The following TTLL5 variants were observed in gnomAD, a reference collection of about 807,000 sequenced individuals.
TTLL5 encodes the protein tubulin tyrosine ligase like 5.
In TTLL5, 132 loss-of-function variants were observed where a neutral mutation model predicts 168.4. That is an observed-to-expected ratio of 0.78 (90% CI 0.68 to 0.91). The LOEUF is 0.91. TTLL5 is among the 40% of genes least tolerant of loss of function. The probability of loss-of-function intolerance (pLI) is 0.00; values close to 1 mark genes in which losing one functional copy is unlikely to be tolerated. For missense variants in TTLL5, 1,545 were observed against 1,581.5 expected (o/e 0.98, Z 0.39); for synonymous variants, 546 against 558.6 (o/e 0.98, Z 0.32).
rs888062783 is a variant in TTLL5 at position 75,732,174 on chromosome 14, T to A, written c.1043-164T>A. The A allele has an allele frequency of 7.0e-6, 4 of 573,152 alleles. No individual in the cohort carries two copies. The African/African-American group carries it at 7.8e-5, about 11-fold the overall frequency. The allele number at this position is 573,152 out of a possible 1,614,324, so 35.5% of individuals were successfully genotyped here. A position where few individuals can be genotyped will look rare whatever the true frequency, so the allele number is the denominator to read the frequency against. On this transcript the variant is annotated intron_variant, in intron 12 of 31. Transcript: ENST00000298832. Reference sequence around the variant, plus strand: ...TTCCTAGAACTTGATTAATTTCTCTTGAACTTGAAAGATTCTTGAAAGATT... The same window carrying A: ...TTCCTAGAACTTGATTAATTTCTCTAGAACTTGAAAGATTCTTGAAAGATT...
chr14:75,854,392 A>G (rs963186064), intron 28 of TTLL5, among the ~76,000 whole-genome samples: 1 of 152,230 alleles, frequency 6.6e-6, no homozygotes, highest in Non-Finnish European at 1.5e-5. Context: ...ACTTCATTGT[A>G]TGAATACACC....
chr14:75,783,824 AACC>A (rs1193503797), intron 26 of TTLL5, among the ~76,000 whole-genome samples: 7 of 152,328 alleles, frequency 4.6e-5, no homozygotes, highest in Non-Finnish European at 8.8e-5. Context: ...TGTCACAGAT[AACC>A]ATCTATGAGT....
At chr14:75,808,095 C>G (rs1178631216) in intron 27 of TTLL5, among the ~76,000 whole-genome samples, 1 of 152,174 alleles carries the variant, frequency 6.6e-6, no homozygotes, top group East Asian at 1.9e-4. Flanking sequence ...TGTCAACACA[C>G]AAAATCTACA....
intron 18 of TTLL5, chr14:75,757,944 C>A (rs1890386333): frequency 1.5e-6 from 2 of 1,304,760 alleles, no homozygotes; most frequent in African/African-American, 1.5e-5. Flanking sequence ...AAGCATAATA[C>A]CTTATATAAC....
intron 27 of TTLL5, among the ~76,000 whole-genome samples, chr14:75,806,215 G>C (rs1331013927): frequency 6.6e-6 from 1 of 152,030 alleles, no homozygotes; most frequent in Non-Finnish European, 1.5e-5. Context: ...ATTTTTAGTA[G>C]AGATGGGGTT....
At position 75,764,776 on chromosome 14, in the gene TTLL5, C is replaced by T. The variant is rs369512416; in HGVS notation, c.1708+4C>T. On this transcript the variant is annotated splice_donor_region_variant and intron_variant, in intron 19 of 31. Transcript: ENST00000298832. The stretch of plus-strand genomic sequence containing the variant: ...GCAATGAGGCCAAAATACCCAGGTA[C>T]CTGCTGGTGAGCTTTCACCAAACTC... 6.2e-7 allele frequency: 1 copy of T among 1,613,976 alleles called. No homozygotes were observed. The highest frequency in any genetic ancestry group is 1.7e-5 in the Admixed American group (1 of 60,022).
intron 31 of TTLL5, among the ~76,000 whole-genome samples, chr14:75,935,245 ACTT>A (rs1411810199): frequency 1.3e-5 from 2 of 152,128 alleles, no homozygotes; most frequent in African/African-American, 4.8e-5. Flanking sequence ...CCAAGGTCAA[ACTT>A]CTTTTCACCA....
intron 28 of TTLL5, among the ~76,000 whole-genome samples, chr14:75,822,772 G>T (rs1242317599): frequency 6.6e-6 from 1 of 152,126 alleles, no homozygotes; most frequent in Admixed American, 6.5e-5. Context: ...CAGGGTTGTC[G>T]TCTCCCATTG....
chr14:75,661,681 C>A (rs950892680), intron 1 of TTLL5: 7 of 152,400 alleles, frequency 4.6e-5, no homozygotes, highest in African/African-American at 1.7e-4. Context: ...TTTCTCCCCG[C>A]TCTGCAGGCA....
chr14:75,775,450 C>CTTTTTTTTT, intron 21 of TTLL5, 34 bp from the exon 22 acceptor site: 3 of 1,585,886 alleles, frequency 1.9e-6, no homozygotes, highest in African/African-American at 1.4e-5. Context: ...ACCATCCCTC[C>CTTTTTTTTT]TTTTTTTTTC....
At position 75,707,749 on chromosome 14, in the gene TTLL5, T is replaced by C. The variant is rs748597579; in HGVS notation, c.740+42T>C. ...GGGTGAAGGGGTTGGGTGGGTATAT[T>C]AAGGGTGGGTATATTAAGAGTGGAT... is the stretch of plus-strand genomic sequence containing the variant. On this transcript the variant is annotated intron_variant, in intron 9 of 31. Coordinates refer to ENST00000298832, the MANE Select transcript of TTLL5 (RefSeq NM_015072.5). The C allele has an allele frequency of 3.4e-6, 5 of 1,458,522 alleles. No individual in the cohort carries two copies. The Admixed American group carries it at 8.7e-5, about 25-fold the overall frequency. The allele number at this position is 1,458,522 out of a possible 1,614,324, so 90.3% of individuals were successfully genotyped here.
At chr14:75,693,042 A>G (rs1272754286) in intron 6 of TTLL5, among the ~76,000 whole-genome samples, 1 of 152,166 alleles carries the variant, frequency 6.6e-6, no homozygotes, top group Non-Finnish European at 1.5e-5. Flanking sequence ...ATGAGGTCTC[A>G]GAGGAGGCAG....
At chr14:75,905,019 G>GCAGTTCTATCC (rs1459039183) in intron 31 of TTLL5, among the ~76,000 whole-genome samples, 2 of 152,190 alleles carry the variant, frequency 1.3e-5, no homozygotes, top group Non-Finnish European at 2.9e-5. Context: ...TGTATTACAA[G>GCAGTTCTATCC]TAGATTTAAA....
At chr14:75,700,875 C>T (rs936250696) in intron 7 of TTLL5, among the ~76,000 whole-genome samples, 4 of 152,058 alleles carry the variant, frequency 2.6e-5, no homozygotes, top group African/African-American at 9.7e-5. Context: ...GAAATTTAAC[C>T]AGGATTTAGG....
chr14:75,743,686 A>G (rs187775632), intron 15 of TTLL5, among the ~76,000 whole-genome samples: 1,723 of 139,630 alleles, frequency 0.012, 19 homozygotes, highest in Middle Eastern at 0.034. Flanking sequence ...GGTTCACGCC[A>G]TTCTCCTGCC....
chr14:75,902,554 T>G (rs1357029643), intron 31 of TTLL5: 1 of 492,814 alleles, frequency 2.0e-6, no homozygotes, highest in African/African-American at 1.9e-5. Flanking sequence ...TATCTCTCAC[T>G]TAATTCTCAC....
chr14:75,822,507 G>A lies in TTLL5; in HGVS notation c.3326+2346G>A, dbSNP rs546001974. Among the ~76,000 whole-genome samples the A allele has an allele frequency of 7.9e-5, 12 of 152,284 alleles. No individual in the cohort carries two copies. The South Asian group carries it at 2.5e-3, about 32-fold the overall frequency. On this transcript the variant is annotated intron_variant, in intron 28 of 31. Transcript: ENST00000298832. ...TTAGTTCTGATAATTCACTAAACTA[G>A]GGGCTGCCTTGTAAACTGTAATAAA... is the stretch of plus-strand genomic sequence containing the variant.
intron 18 of TTLL5, among the ~76,000 whole-genome samples, chr14:75,755,752 A>C (rs893798470): frequency 6.6e-6 from 1 of 152,178 alleles, no homozygotes; most frequent in African/African-American, 2.4e-5. Context: ...CTGTTCTCTC[A>C]TCAGTCTAAA....
intron 25 of TTLL5, 138 bp downstream of exon 25, chr14:75,782,711 A>G: frequency 5.1e-6 from 4 of 790,930 alleles, no homozygotes; most frequent in Non-Finnish European, 7.6e-6. Context: ...CTTTTCCCTT[A>G]GAATTTTCTC....
Sources: gnomAD v4.1 joint callset for allele counts (sites outside exome capture counted in the v4.1 genomes callset) on GRCh38, gnomAD v4.1.1 for gene constraint, MANE v1.5 for transcripts, NCBI Gene and HGNC (gene_info 2026-07-23, HGNC 2026-07-21) for gene names.